ADAMTSL1: variants seen among roughly 807,000 people sequenced by gnomAD.
ADAMTSL1 encodes the protein ADAMTS like 1.
In ADAMTSL1, 126 loss-of-function variants were observed where a neutral mutation model predicts 201.8. The ratio of observed to expected loss-of-function variants is 0.62; its 90% CI spans 0.54 to 0.72. The LOEUF is 0.72. Ranked by LOEUF, ADAMTSL1 falls within the 30% of genes least tolerant of loss-of-function variation. The pLI, the probability that ADAMTSL1 is intolerant of heterozygous loss-of-function variation, is 0.00. For missense variants in ADAMTSL1, 2,679 were observed against 2,277.8 expected (o/e 1.18, Z -3.59); for synonymous variants, 1,121 against 903.4 (o/e 1.24, Z -4.32).
At chr9:18,662,461 C>T (rs150445399) in intron 9 of ADAMTSL1, among the ~76,000 whole-genome samples, 36 of 152,260 alleles carry the variant, frequency 2.4e-4, no homozygotes, top group African/African-American at 3.4e-4. Flanking sequence ...TCTCTATTCC[C>T]GATCAGGGAC....
chr9:18,673,953 T>C (rs1367375416), intron 9 of ADAMTSL1, among the ~76,000 whole-genome samples: 1 of 152,062 alleles, frequency 6.6e-6, no homozygotes, highest in Admixed American at 6.6e-5. Flanking sequence ...CCTTTATTAC[T>C]AGATGTAAGA....
At chr9:18,044,652 A>G (rs542424678) in intron 1 of ADAMTSL1, among the ~76,000 whole-genome samples, 1 of 152,316 alleles carries the variant, frequency 6.6e-6, no homozygotes, top group South Asian at 2.1e-4. Context: ...TTGAGTTCAA[A>G]CTGCCAGGTG....
intron 23 of ADAMTSL1, among the ~76,000 whole-genome samples, chr9:18,850,425 G>T (rs1188646471): frequency 6.6e-6 from 1 of 152,214 alleles, no homozygotes; most frequent in Non-Finnish European, 1.5e-5. Flanking sequence ...GTGCTATAAT[G>T]GCAGTTTTAC....
At chr9:17,956,286 C>G (rs1827929437) in intron 1 of ADAMTSL1, among the ~76,000 whole-genome samples, 2 of 152,212 alleles carry the variant, frequency 1.3e-5, no homozygotes, top group East Asian at 3.9e-4. Context: ...TACCTACATG[C>G]AAAGAATAGT....
At chr9:18,655,178 A>G (rs1387964580) in intron 7 of ADAMTSL1, among the ~76,000 whole-genome samples, 2 of 152,254 alleles carry the variant, frequency 1.3e-5, no homozygotes, top group Non-Finnish European at 2.9e-5. Flanking sequence ...TGTGTGCTTA[A>G]TGATGTCTTC....
At chr9:18,370,118 A>G (rs957086625) in intron 2 of ADAMTSL1, among the ~76,000 whole-genome samples, 5 of 152,106 alleles carry the variant, frequency 3.3e-5, no homozygotes, top group Non-Finnish European at 5.9e-5. Flanking sequence ...TGTCTCTACT[A>G]AAAATACAAA....
At chr9:17,980,582 C>T (rs568501882) in intron 1 of ADAMTSL1, among the ~76,000 whole-genome samples, 2 of 151,898 alleles carry the variant, frequency 1.3e-5, no homozygotes, top group Admixed American at 1.3e-4. Flanking sequence ...AATTCTAACC[C>T]CAGCATGATG....
chr9:18,183,446 A>G (rs1828589567), intron 2 of ADAMTSL1, among the ~76,000 whole-genome samples: 1 of 152,232 alleles, frequency 6.6e-6, no homozygotes, highest in African/African-American at 2.4e-5. Context: ...GGCAAACCAC[A>G]GACTGGGAGA....
At chr9:18,684,270 T>G (rs1830689966) in intron 12 of ADAMTSL1, among the ~76,000 whole-genome samples, 1 of 152,012 alleles carries the variant, frequency 6.6e-6, no homozygotes, top group South Asian at 2.1e-4. Flanking sequence ...TTTTTGGCAA[T>G]GTGACATAGA....
intron 1 of ADAMTSL1, among the ~76,000 whole-genome samples, chr9:18,489,540 C>T (rs1264106626): frequency 6.6e-6 from 1 of 152,120 alleles, no homozygotes; most frequent in Non-Finnish European, 1.5e-5. Context: ...AAATAGGAAC[C>T]ATGAACATGT....
At chr9:18,584,541 C>G (rs567957774) in intron 4 of ADAMTSL1, among the ~76,000 whole-genome samples, 31 of 152,322 alleles carry the variant, frequency 2.0e-4, no homozygotes, top group African/African-American at 7.5e-4. Context: ...CACTGTATAA[C>G]AGGACTCATC....
At chr9:18,776,087 A>C (rs1407902054) in intron 18 of ADAMTSL1, among the ~76,000 whole-genome samples, 191 bp downstream of exon 18, 1 of 152,188 alleles carries the variant, frequency 6.6e-6, no homozygotes, top group Non-Finnish European at 1.5e-5. Context: ...TGGCCAGGCT[A>C]AATTCTCCTC....
At chr9:17,974,110 C>G (rs560261154) in intron 1 of ADAMTSL1, among the ~76,000 whole-genome samples, 1 of 152,066 alleles carries the variant, frequency 6.6e-6, no homozygotes, top group South Asian at 2.1e-4. Flanking sequence ...ATAATAAGAG[C>G]TATCTATGAG....
At chr9:18,353,924 C>T (rs547462578) in intron 2 of ADAMTSL1, among the ~76,000 whole-genome samples, 8 of 151,858 alleles carry the variant, frequency 5.3e-5, no homozygotes, top group Admixed American at 2.6e-4. Flanking sequence ...AATTAAAAGT[C>T]GTAATCTAAC....
chr9:18,129,762 G>A (rs1330570564), intron 1 of ADAMTSL1, among the ~76,000 whole-genome samples: 6 of 152,158 alleles, frequency 3.9e-5, no homozygotes, highest in Non-Finnish European at 2.9e-5. Flanking sequence ...ATTCTGTAAC[G>A]CTGAGAGTCA....
Position 18,680,418 on chromosome 9 carries a change from G to T in ADAMTSL1, c.1243G>T (p.Val415Leu), listed in dbSNP as rs762812503. The T allele has an allele frequency of 6.2e-7, 1 of 1,614,178 alleles. No individual in the cohort carries two copies. The highest frequency in any genetic ancestry group is 8.5e-7 in the Non-Finnish European group (1 of 1,180,028). Residue 415 changes from valine (V) to leucine (L), a missense_variant, in exon 11 of 29, where the codon GTG becomes TTG. Val to Leu is a conservative substitution (Grantham distance 32, BLOSUM62 1). Coordinates refer to ENST00000380548, the MANE Select transcript of ADAMTSL1 (RefSeq NM_001040272.6). The stretch of plus-strand genomic sequence containing the variant: ...GGACATCCAGGGGCATGTCACTTCA[G>T]TGGAAGAGTGGAAATGCATGTACAC... ...EEDIQGHVTS[V>L]EEWKCMYTPK... is the part of the protein sequence containing the mutation.
intron 1 of ADAMTSL1, among the ~76,000 whole-genome samples, chr9:18,041,763 T>C (rs1306640205): frequency 6.6e-6 from 1 of 152,156 alleles, no homozygotes; most frequent in East Asian, 1.9e-4. Context: ...ATAAATATTT[T>C]GTACATACAG....
chr9:18,699,356 T>C (rs1383490945), intron 13 of ADAMTSL1, among the ~76,000 whole-genome samples: 1 of 151,138 alleles, frequency 6.6e-6, no homozygotes, highest in African/African-American at 2.4e-5. Flanking sequence ...ACTGGGTCTT[T>C]CTTTGTAGCC....
chr9:18,244,330 A>T (rs1311045175), intron 2 of ADAMTSL1, among the ~76,000 whole-genome samples: 2 of 152,030 alleles, frequency 1.3e-5, no homozygotes, highest in African/African-American at 2.4e-5. Context: ...TGTATAAAAC[A>T]TTATAGATTA....
Sources: allele counts gnomAD v4.1 joint callset (sites outside exome capture counted in the v4.1 genomes callset), GRCh38; gene constraint gnomAD v4.1.1; transcripts MANE v1.5; gene names NCBI Gene and HGNC (gene_info 2026-07-23, HGNC 2026-07-21).